ADK: variants seen among roughly 807,000 people sequenced by gnomAD.
ADK encodes the protein adenosine kinase.
ADK carries 24 observed loss-of-function variants against 44.7 expected under a neutral mutation model. That is an observed-to-expected ratio of 0.54 (90% CI 0.39 to 0.76). The LOEUF is 0.76. Ranked by LOEUF, ADK falls within the 30% of genes least tolerant of loss-of-function variation. The probability of loss-of-function intolerance (pLI) is 0.00; values close to 1 mark genes in which losing one functional copy is unlikely to be tolerated. For synonymous variants in ADK, 128 were observed against 142.6 expected (o/e 0.90, Z 0.73); for missense variants, 321 against 425.1 (o/e 0.76, Z 2.15).
intron 3 of ADK, among the ~76,000 whole-genome samples, chr10:74,232,872 C>G (rs1224470098): frequency 6.6e-6 from 1 of 152,146 alleles, no homozygotes; most frequent in Non-Finnish European, 1.5e-5. Flanking sequence ...GATCCACCCG[C>G]CTTGCCCTCC....
At chr10:74,549,087 T>C (rs1301456446) in intron 7 of ADK, among the ~76,000 whole-genome samples, 1 of 152,228 alleles carries the variant, frequency 6.6e-6, no homozygotes, top group Admixed American at 6.5e-5. Context: ...ATAATTCAAT[T>C]ATTCATTTAA....
intron 6 of ADK, among the ~76,000 whole-genome samples, chr10:74,514,219 T>G (rs1018077009): frequency 1.3e-5 from 2 of 152,198 alleles, no homozygotes; most frequent in African/African-American, 2.4e-5. Flanking sequence ...TGCTTTTATC[T>G]TGCTGCTTTT....
intron 1 of ADK, among the ~76,000 whole-genome samples, chr10:74,167,896 G>A (rs1431953480): frequency 6.6e-6 from 1 of 152,088 alleles, no homozygotes; most frequent in Non-Finnish European, 1.5e-5. Flanking sequence ...CACTTTTAAA[G>A]TGTTTTTTCC....
At chr10:74,403,445 G>A (rs1414630831) in intron 6 of ADK, among the ~76,000 whole-genome samples, 2 of 152,036 alleles carry the variant, frequency 1.3e-5, no homozygotes, top group African/African-American at 2.4e-5. Flanking sequence ...CAGCAATGGC[G>A]GGCACCCCTC....
chr10:74,528,201 A>T (rs1849134190), intron 7 of ADK: 1 of 555,476 alleles, frequency 1.8e-6, no homozygotes, highest in Non-Finnish European at 3.0e-6. Context: ...TTGTGTACAT[A>T]TCTGCAAAAA....
At chr10:74,373,569 C>G (rs1013237550) in intron 4 of ADK, among the ~76,000 whole-genome samples, 6 of 152,054 alleles carry the variant, frequency 3.9e-5, no homozygotes, top group African/African-American at 1.2e-4. Context: ...TAAAAAGATG[C>G]TCAACATAAT....
chr10:74,182,535 A>G (rs1842598839), intron 1 of ADK, among the ~76,000 whole-genome samples: 1 of 151,944 alleles, frequency 6.6e-6, no homozygotes. Context: ...TGCCCGGCTA[A>G]TTTTTGTATT....
intron 6 of ADK, among the ~76,000 whole-genome samples, chr10:74,415,491 A>G (rs1213997721): frequency 6.6e-6 from 1 of 152,174 alleles, no homozygotes; most frequent in Non-Finnish European, 1.5e-5. Context: ...CAATATATTT[A>G]CTGAAGATAT....
intron 6 of ADK, among the ~76,000 whole-genome samples, chr10:74,443,337 T>C (rs1275184673): frequency 6.6e-6 from 1 of 152,144 alleles, no homozygotes; most frequent in Non-Finnish European, 1.5e-5. Context: ...ATGTATTATA[T>C]CCACACAGTG....
At chr10:74,506,515 ATT>A (rs1848081518) in intron 6 of ADK, 1 of 154,578 alleles carries the variant, frequency 6.5e-6, no homozygotes, top group Non-Finnish European at 1.4e-5. Flanking sequence ...GCAATATGCA[ATT>A]TACTGTAAGA....
chr10:74,237,959 C>T lies in ADK; in HGVS notation c.194+13368C>T, dbSNP rs972032894. ...ACTAAGAATAGAAAATTAGGTGTGG[C>T]AGTGCATGCCTGTAATCCCAGCTAC... On this transcript the variant is annotated intron_variant, in intron 3 of 10. Transcript: ENST00000539909. 5.9e-5 allele frequency among the ~76,000 whole-genome samples: 9 copies of T among 152,052 alleles called. No homozygotes were observed. In the South Asian group the frequency reaches 1.5e-3, roughly 25 times the overall value.
At chr10:74,672,167 GAA>G (rs1475172146) in intron 10 of ADK, among the ~76,000 whole-genome samples, 4 of 152,108 alleles carry the variant, frequency 2.6e-5, no homozygotes, top group Admixed American at 2.0e-4. Context: ...AAGCAAAAAA[GAA>G]AAAGAGTATA....
At position 74,658,940 on chromosome 10, in the gene ADK, G is replaced by A. The variant is rs1854595742; in HGVS notation, c.878-11243G>A. On this transcript the variant is annotated intron_variant, in intron 9 of 10. Coordinates refer to ENST00000539909, the MANE Select transcript of ADK (RefSeq NM_006721.4). ...TATATATGTGTATATATATAGTCAG[G>A]TGCAGTGGCCCACACTTGTAATCCC... 2.6e-5 allele frequency among the ~76,000 whole-genome samples: 4 copies of A among 151,954 alleles called. 1 individual carries two copies. In the South Asian group the frequency reaches 8.3e-4, roughly 32 times the overall value.
Position 74,618,440 on chromosome 10 carries a change from G to A in ADK, c.877+17947G>A, listed in dbSNP as rs144109847. On this transcript the variant is annotated intron_variant, in intron 9 of 10. Coordinates refer to ENST00000539909, the MANE Select transcript of ADK (RefSeq NM_006721.4). ...TGAGTAGCTGGGATTACAGGCATGC[G>A]CCATCATACCCAGCTAGTTTTTGTG... Among the ~76,000 whole-genome samples the A allele has an allele frequency of 3.9e-5, 6 of 152,122 alleles. No individual in the cohort carries two copies. In the East Asian group the frequency reaches 5.8e-4, roughly 15 times the overall value.
chr10:74,347,585 G>C (rs1268179092), intron 4 of ADK, among the ~76,000 whole-genome samples: 1 of 152,084 alleles, frequency 6.6e-6, no homozygotes, highest in Non-Finnish European at 1.5e-5. Context: ...AACTCCCCTG[G>C]AAAGGGGGCT....
intron 4 of ADK, among the ~76,000 whole-genome samples, chr10:74,379,698 C>T (rs1047128359): frequency 6.6e-4 from 100 of 152,188 alleles, no homozygotes; most frequent in African/African-American, 2.4e-3. Context: ...CCAATCAGCT[C>T]ATTTGCATGT....
chr10:74,412,965 G>A (rs1844238447), intron 6 of ADK, among the ~76,000 whole-genome samples: 1 of 152,116 alleles, frequency 6.6e-6, no homozygotes, highest in African/African-American at 2.4e-5. Context: ...GGCTGAAGCA[G>A]GAGAATTGCT....
At chr10:74,522,605 T>A (rs909811618) in intron 6 of ADK, among the ~76,000 whole-genome samples, 1 of 152,202 alleles carries the variant, frequency 6.6e-6, no homozygotes, top group Non-Finnish European at 1.5e-5. Flanking sequence ...CTTATTGTAG[T>A]CTATTTGAAA....
At chr10:74,512,092 A>C (rs558809249) in intron 6 of ADK, among the ~76,000 whole-genome samples, 2 of 152,268 alleles carry the variant, frequency 1.3e-5, no homozygotes, top group South Asian at 4.1e-4. Flanking sequence ...TATTGATAGG[A>C]TATAAGACAT....
Sources: allele counts gnomAD v4.1 joint callset (sites outside exome capture counted in the v4.1 genomes callset), GRCh38; gene constraint gnomAD v4.1.1; transcripts MANE v1.5; gene names NCBI Gene and HGNC (gene_info 2026-07-23, HGNC 2026-07-21).